ORC4: variants seen among roughly 807,000 people sequenced by gnomAD.
ORC4 encodes origin recognition complex, subunit 4 homolog.
ORC4 carries 55 observed loss-of-function variants against 63.9 expected under a neutral mutation model. The observed-to-expected ratio is 0.86, with a 90% CI of 0.69 to 1.08. The LOEUF is 1.08. ORC4 is among the 50% of genes least tolerant of loss of function. ORC4 has a pLI of 0.00. For synonymous variants in ORC4, 150 were observed against 168.5 expected, an observed-to-expected ratio of 0.89 and a Z score of 0.85; for missense variants, 511 against 504.4, an observed-to-expected ratio of 1.01 and a Z score of -0.13.
intron 7 of ORC4, among the ~76,000 whole-genome samples, chr2:147,954,225 G>A (rs1165592838): frequency 3.3e-5 from 5 of 152,034 alleles, no homozygotes; most frequent in Non-Finnish European, 1.5e-5. Flanking sequence ...CAAAAATTCC[G>A]ATAAATAAGC....
intron 1 of ORC4, among the ~76,000 whole-genome samples, chr2:147,984,943 T>C (rs1691107045): frequency 6.6e-6 from 1 of 152,222 alleles, no homozygotes; most frequent in Non-Finnish European, 1.5e-5. Flanking sequence ...AGGTGGCTTA[T>C]TTATTGTAAT....
rs1449922050 is a variant in ORC4 at position 147,943,444 on chromosome 2, T to C, written c.841A>G (p.Met281Val). 23 of 1,588,850 alleles carry C rather than the reference T, an allele frequency of 1.4e-5. No homozygotes were observed. Among genetic ancestry groups the C allele is most frequent in the Non-Finnish European group, 1.9e-5 (22 of 1,157,916 alleles). ...ACAAAACTAATACAAACCAATAGCA[T>C]GTGTAATGACCGCAGGTTTTTGCTG... ...NISKNLRSLH[M>V]LLMLALNRVT... is the part of the protein sequence containing the mutation. Residue 281 changes from methionine to valine, a missense_variant, in exon 10 of 14, where the codon ATG (methionine) becomes GTG (valine). Transcript: ENST00000392857.
At position 147,945,442 on chromosome 2, in the gene ORC4, A is replaced by G. The variant is rs570404057; in HGVS notation, c.763-1920T>C. On this transcript the variant is annotated intron_variant, in intron 9 of 13. Coordinates refer to ENST00000392857, the MANE Select transcript of ORC4 (RefSeq NM_181741.4). ...AAAAAATTGTCTAACCTCGTTCATT[A>G]TATTTTTAATTCCATCTTGATTCAA... is the stretch of plus-strand genomic sequence containing the variant. 5.3e-5 allele frequency among the ~76,000 whole-genome samples: 8 copies of G among 152,200 alleles called. No homozygotes were observed. The South Asian group carries it at 6.2e-4, about 12-fold the overall frequency.
In ORC4 at chr2:147,985,900, G is replaced by A. The variant is rs1190262873; in HGVS notation, c.-17-9925C>T. On this transcript the variant is annotated intron_variant, in intron 1 of 13. Coordinates refer to ENST00000392857, the MANE Select transcript of ORC4 (RefSeq NM_181741.4). ...GTCTATTGACTCCCAATCAGAGGTT[G>A]GTTAGTCTCAACTGGCATGAAAAAA... Among the ~76,000 whole-genome samples the A allele has an allele frequency of 5.3e-5, 8 of 152,092 alleles. No homozygotes were observed. In the East Asian group the frequency reaches 1.5e-3, roughly 29 times the overall value.
intron 7 of ORC4, among the ~76,000 whole-genome samples, chr2:147,953,237 A>G (rs13034793): frequency 0.33 from 49,971 of 151,664 alleles, 8,490 homozygotes; most frequent in East Asian, 0.52. Context: ...CTGCGGAGGC[A>G]GAGGTTGCAG....
chr2:147,958,161 T>A, intron 6 of ORC4, 137 bp downstream of exon 6: 1 of 621,228 alleles, frequency 1.6e-6, no homozygotes, highest in South Asian at 2.1e-5. Flanking sequence ...CATTACACAT[T>A]TTTATGAAAG....
intron 1 of ORC4, among the ~76,000 whole-genome samples, chr2:147,995,973 C>T (rs1691941923): frequency 6.6e-6 from 1 of 151,066 alleles, no homozygotes; most frequent in Non-Finnish European, 1.5e-5. Context: ...GCACTCCAGC[C>T]TGGGCGACAG....
chr2:148,001,412 CT>C (rs1449084161), intron 1 of ORC4, among the ~76,000 whole-genome samples: 1 of 152,164 alleles, frequency 6.6e-6, no homozygotes, highest in Non-Finnish European at 1.5e-5. Flanking sequence ...ACGGATCTCT[CT>C]GCAGGAGCCC....
chr2:147,978,880 A>G (rs1690711036), intron 1 of ORC4, among the ~76,000 whole-genome samples: 1 of 152,242 alleles, frequency 6.6e-6, no homozygotes. Flanking sequence ...CTCAACAGAT[A>G]CAGAAAAAGC....
At chr2:148,010,886 C>T (rs1692928191) in intron 1 of ORC4, among the ~76,000 whole-genome samples, 1 of 132,730 alleles carries the variant, frequency 7.5e-6, no homozygotes, top group Non-Finnish European at 1.6e-5. Flanking sequence ...CAGAGTCTCA[C>T]TCTGTTGCCC....
At position 147,978,192 on chromosome 2, in the gene ORC4, C is replaced by G. The variant is rs192156916; in HGVS notation, c.-17-2217G>C. Among the ~76,000 whole-genome samples the G allele has an allele frequency of 5.9e-5, 9 of 152,342 alleles. No individual in the cohort carries two copies. In the East Asian group the frequency reaches 1.7e-3, roughly 29 times the overall value. On this transcript the variant is annotated intron_variant, in intron 1 of 13. Transcript: ENST00000392857. ...AGATTCAGGGTTGTTTCAGGACCTG[C>G]TGTGGGACTGAAATCTGCCTGCCTG...
At chr2:148,013,617 G>A (rs556706354) in intron 1 of ORC4, among the ~76,000 whole-genome samples, 1 of 152,164 alleles carries the variant, frequency 6.6e-6, no homozygotes, top group East Asian at 1.9e-4. Flanking sequence ...AATACTTGAG[G>A]TAATGGATAT....
chr2:147,985,091 CACT>C (rs768464160), intron 1 of ORC4, among the ~76,000 whole-genome samples: 8 of 152,232 alleles, frequency 5.3e-5, no homozygotes, highest in Non-Finnish European at 8.8e-5. Flanking sequence ...TCCAAACCCT[CACT>C]CAGAGCCTCT....
At chr2:147,965,645 A>T (rs1689854182) in intron 4 of ORC4, among the ~76,000 whole-genome samples, 1 of 152,222 alleles carries the variant, frequency 6.6e-6, no homozygotes, top group Non-Finnish European at 1.5e-5. Flanking sequence ...CCCTATTCTC[A>T]GCATTGGACA....
At chr2:147,964,199 A>G (rs1028936436) in intron 4 of ORC4, among the ~76,000 whole-genome samples, 1 of 152,218 alleles carries the variant, frequency 6.6e-6, no homozygotes, top group African/African-American at 2.4e-5. Flanking sequence ...GAATACAGAT[A>G]GAAAATTGAA....
chr2:147,991,005 C>CAT (rs1051962838), intron 1 of ORC4, among the ~76,000 whole-genome samples: 34 of 151,716 alleles, frequency 2.2e-4, no homozygotes, highest in African/African-American at 8.2e-4. Context: ...ACCACACATA[C>CAT]ATATATATAC....
Position 147,935,380 on chromosome 2 carries a change from T to C in ORC4, c.*130A>G. 4.2e-6 allele frequency: 3 copies of C among 719,706 alleles called. No homozygotes were observed. Among genetic ancestry groups the C allele is most frequent in the Admixed American group, 2.0e-5 (1 of 48,896 alleles). 44.6% of individuals were successfully genotyped at this position (719,706 alleles called of 1,614,324 possible). A position where few individuals can be genotyped will look rare whatever the true frequency, so the allele number is the denominator to read the frequency against. ...AAAAGGCAAGACACAGCCAAGACAGTAGATGGGCAAGTCTCACATAAATAC... is the reference window on the plus strand; with the variant it reads ...AAAAGGCAAGACACAGCCAAGACAGCAGATGGGCAAGTCTCACATAAATAC... On this transcript the variant is annotated 3_prime_UTR_variant, in exon 14 of 14. Coordinates refer to ENST00000392857, the MANE Select transcript of ORC4 (RefSeq NM_181741.4).
At chr2:147,959,870 G>T (rs1689487380) in intron 4 of ORC4, among the ~76,000 whole-genome samples, 1 of 152,122 alleles carries the variant, frequency 6.6e-6, no homozygotes, top group African/African-American at 2.4e-5. Context: ...TTAATGAGAA[G>T]TAACATTAAA....
At chr2:147,949,169 A>G (rs1276707643) in intron 8 of ORC4, among the ~76,000 whole-genome samples, 1 of 151,760 alleles carries the variant, frequency 6.6e-6, no homozygotes, top group East Asian at 1.9e-4. Flanking sequence ...CAGCAGTATT[A>G]TTTTTAATAG....
Sources: gnomAD v4.1 joint callset for allele counts (sites outside exome capture counted in the v4.1 genomes callset) on GRCh38, gnomAD v4.1.1 for gene constraint, MANE v1.5 for transcripts, NCBI Gene and HGNC (gene_info 2026-07-23, HGNC 2026-07-21) for gene names.